The following CDKL5 variants were observed in gnomAD, a reference collection of about 807,000 sequenced individuals.
CDKL5 encodes the protein cyclin-dependent kinase-like 5.
Under a neutral mutation model 61.7 loss-of-function variants are expected in CDKL5, and 8 were observed. The ratio of observed to expected loss-of-function variants is 0.13; its 90% CI spans 0.08 to 0.23. The LOEUF (loss-of-function observed/expected upper bound fraction) is 0.23. CDKL5 is among the 10% of genes least tolerant of loss of function. The pLI, the probability that CDKL5 is intolerant of heterozygous loss-of-function variation, is 1.00. For missense variants in CDKL5, 440 were observed against 734.5 expected (o/e 0.60, Z 4.63); for synonymous variants, 275 against 272.3 (o/e 1.01, Z -0.10).
chrX:18,535,744 C>T (rs1234112288), intron 3 of CDKL5: 9 of 146,331 alleles, frequency 6.2e-5, no homozygotes, highest in Admixed American at 4.3e-4. Flanking sequence ...AACATCATTG[C>T]GTTATTCAGT....
At chrX:18,602,311 G>A (rs1169916546) in intron 11 of CDKL5, among the ~76,000 whole-genome samples, 1 of 112,312 alleles carries the variant, frequency 8.9e-6, no homozygotes, top group East Asian at 2.8e-4. Context: ...GGTTTGAAAA[G>A]TCGCTGAGAT....
intron 14 of CDKL5, among the ~76,000 whole-genome samples, chrX:18,612,667 A>AAG (rs1303518989): frequency 1.9e-5 from 2 of 107,952 alleles, no homozygotes; most frequent in African/African-American, 6.8e-5. Context: ...AAAAAAAAAA[A>AAG]AGAGAGAGAG....
intron 1 of CDKL5, among the ~76,000 whole-genome samples, chrX:18,448,925 A>G (rs1470282217): frequency 1.8e-5 from 2 of 111,903 alleles, no homozygotes; most frequent in Non-Finnish European, 3.8e-5. Flanking sequence ...GCACGATCTC[A>G]GCTCACTGCA....
intron 4 of CDKL5, among the ~76,000 whole-genome samples, chrX:18,571,444 A>G (rs896569032): frequency 9.0e-6 from 1 of 111,430 alleles, no homozygotes; most frequent in Admixed American, 9.5e-5. Flanking sequence ...TTGATAAAGA[A>G]TCCTAGCCTA....
intron 3 of CDKL5, among the ~76,000 whole-genome samples, chrX:18,513,814 C>A (rs1273307339): frequency 9.0e-6 from 1 of 111,567 alleles, no homozygotes; most frequent in African/African-American, 3.3e-5. Flanking sequence ...ATGCTTCTGG[C>A]AAGATTGATG....
chrX:18,596,994 C>T (rs1206790407), intron 10 of CDKL5, among the ~76,000 whole-genome samples: 15 of 111,202 alleles, frequency 1.3e-4, no homozygotes. Flanking sequence ...AGAAGGTGCG[C>T]AAATTGTATC....
chrX:18,553,473 T>C (rs1251812614), intron 3 of CDKL5, among the ~76,000 whole-genome samples: 1 of 101,674 alleles, frequency 9.8e-6, no homozygotes, highest in African/African-American at 3.8e-5. Context: ...TGCGTGTGTG[T>C]GTGTGTGTGT....
At chrX:18,488,996 A>G (rs2147078810) in intron 1 of CDKL5, among the ~76,000 whole-genome samples, 2 of 111,855 alleles carry the variant, frequency 1.8e-5, no homozygotes, top group African/African-American at 6.5e-5. Flanking sequence ...ATATTTCTCT[A>G]TTTTGAAATG....
Position 18,633,268 on chromosome X carries a change from A to G in CDKL5, c.*4511A>G. Reference sequence around the variant, plus strand: ...CTGAACCAAGTCAGAAAATAGTGAAATATTTCCTTGCCTCCTTCAGTTCAT... The same window carrying G: ...CTGAACCAAGTCAGAAAATAGTGAAGTATTTCCTTGCCTCCTTCAGTTCAT... On this transcript the variant is annotated 3_prime_UTR_variant, in exon 18 of 18. Coordinates refer to ENST00000623535, the MANE Select transcript of CDKL5 (RefSeq NM_001323289.2). The G allele has an allele frequency of 1.3e-6, 1 of 754,064 alleles. No individual in the cohort carries two copies. The allele number at this position is 754,064 out of a possible 1,213,427, so 62.1% of individuals were successfully genotyped here. A position where few individuals can be genotyped will look rare whatever the true frequency, so the allele number is the denominator to read the frequency against.
rs768278831 is a variant in CDKL5, at chrX:18,568,683, A to G, written c.145+4161A>G. On this transcript the variant is annotated intron_variant, in intron 4 of 17. Coordinates refer to ENST00000623535, the MANE Select transcript of CDKL5 (RefSeq NM_001323289.2). The stretch of plus-strand genomic sequence containing the variant: ...TCTTCTTCTTTTTTTATTCCTGTCT[A>G]TGTGTCTTCTTTTTCAGGCTGTGTG... 2.7e-5 allele frequency among the ~76,000 whole-genome samples: 3 copies of G among 109,644 alleles called. No homozygotes were observed. In the South Asian group the frequency reaches 1.2e-3, roughly 43 times the overall value.
chrX:18,652,668 C>CAA (rs112755044), intron 21 of CDKL5, among the ~76,000 whole-genome samples: 13 of 104,149 alleles, frequency 1.2e-4, no homozygotes, highest in Middle Eastern at 4.8e-3. Flanking sequence ...GACTACATTT[C>CAA]AAAAAAAAAA....
At chrX:18,523,491 C>T (rs749919566) in intron 3 of CDKL5, among the ~76,000 whole-genome samples, 1 of 112,003 alleles carries the variant, frequency 8.9e-6, no homozygotes, top group East Asian at 2.8e-4. Context: ...ATTGGAACAA[C>T]ATATAACAAT....
chrX:18,597,323 C>T (rs1375871586), intron 10 of CDKL5, among the ~76,000 whole-genome samples: 1 of 109,933 alleles, frequency 9.1e-6, no homozygotes, highest in Non-Finnish European at 1.9e-5. Context: ...CTAAAGCTGC[C>T]GTGTTAATTT....
chrX:18,528,339 A>C (rs1923522397), intron 3 of CDKL5, among the ~76,000 whole-genome samples: 1 of 103,969 alleles, frequency 9.6e-6, no homozygotes, highest in African/African-American at 3.6e-5. Context: ...TTCTGTTTGC[A>C]GTTATATCAG....
intron 20 of CDKL5, chrX:18,650,283 A>G (rs1927972615): frequency 1.7e-6 from 1 of 603,034 alleles, no homozygotes; most frequent in African/African-American, 2.2e-5. Context: ...CCAGACGTGG[A>G]TGCTGTACTT....
chrX:18,625,340 C>A, intron 17 of CDKL5, 93 bp downstream of exon 17: 1 of 988,785 alleles, frequency 1.0e-6, no homozygotes, highest in Non-Finnish European at 1.4e-6. Context: ...CTTAGCCTCT[C>A]AATGTTACAG....
chrX:18,500,023 A>G (rs1214232841), intron 1 of CDKL5, among the ~76,000 whole-genome samples: 1 of 111,818 alleles, frequency 8.9e-6, no homozygotes, highest in African/African-American at 3.2e-5. Context: ...CCCAGATGAC[A>G]TAAACCTACA....
intron 21 of CDKL5, chrX:18,650,721 G>A: frequency 2.6e-6 from 2 of 780,562 alleles, no homozygotes; most frequent in Non-Finnish European, 3.8e-6. Flanking sequence ...TGGGCATGGG[G>A]ACAAAGCTGC....
At chrX:18,554,745 G>A (rs951038051) in intron 3 of CDKL5, among the ~76,000 whole-genome samples, 1 of 111,409 alleles carries the variant, frequency 9.0e-6, no homozygotes, top group Admixed American at 9.5e-5. Flanking sequence ...TAATGGAACC[G>A]TATTACAAAA....
Sources: gnomAD v4.1 joint callset for allele counts (sites outside exome capture counted in the v4.1 genomes callset) on GRCh38, gnomAD v4.1.1 for gene constraint, MANE v1.5 for transcripts, NCBI Gene and HGNC (gene_info 2026-07-23, HGNC 2026-07-21) for gene names.